Variants in TFAP2A observed in about 807,000 individuals in gnomAD.
TFAP2A encodes transcription factor AP-2 alpha.
In TFAP2A, 7 loss-of-function variants were observed where a neutral mutation model predicts 41.5. That is an observed-to-expected ratio of 0.17 (90% confidence interval 0.10 to 0.32). The LOEUF (loss-of-function observed/expected upper bound fraction) is 0.32. Among genes scored for constraint, TFAP2A ranks in the 10% least tolerant of loss-of-function variants. The probability of loss-of-function intolerance (pLI) is 1.00; values close to 1 mark genes in which losing one functional copy is unlikely to be tolerated. For synonymous variants in TFAP2A, 247 were observed against 242.8 expected (o/e 1.02, Z -0.16); for missense variants, 416 against 563.3 (o/e 0.74, Z 2.65).
chr6:10,408,188 A>G (rs1757800729), intron 2 of TFAP2A, among the ~76,000 whole-genome samples: 2 of 152,240 alleles, frequency 1.3e-5, no homozygotes, highest in South Asian at 4.1e-4. Flanking sequence ...TGTTGCAGCA[A>G]TGGGAAAAAA....
At chr6:10,400,721 A>C in intron 5 of TFAP2A, 132 bp from the exon 6 acceptor site, 78 of 1,055,198 alleles carry the variant, frequency 7.4e-5, no homozygotes, top group Non-Finnish European at 1.0e-4. Context: ...TTGTTTTCTC[A>C]TTTCAGGCAT....
chr6:10,412,839 C>T (rs2113218863), intron 1 of TFAP2A: 1 of 161,684 alleles, frequency 6.2e-6, no homozygotes, highest in East Asian at 1.9e-4. Flanking sequence ...TCCTCGGCCT[C>T]CTCTTGAGCT....
chr6:10,403,132 A>G (rs538429733), intron 4 of TFAP2A, among the ~76,000 whole-genome samples: 1 of 152,276 alleles, frequency 6.6e-6, no homozygotes, highest in East Asian at 1.9e-4. Flanking sequence ...CCTAACTGGA[A>G]ATGTCAAAAG....
intron 3 of TFAP2A, chr6:10,406,558 TATC>T: frequency 1.8e-6 from 1 of 566,730 alleles, no homozygotes; most frequent in Non-Finnish European, 3.2e-6. Flanking sequence ...TTTGTCCAAA[TATC>T]ATTAAACTAA....
chr6:10,400,113 C>T (rs1319252966), intron 6 of TFAP2A, among the ~76,000 whole-genome samples: 1 of 151,990 alleles, frequency 6.6e-6, no homozygotes, highest in African/African-American at 2.4e-5. Flanking sequence ...CCTGTTACCC[C>T]TTTGAGGATT....
At chr6:10,414,548 T>C (rs1758160831) in intron 1 of TFAP2A, 1 of 371,908 alleles carries the variant, frequency 2.7e-6, no homozygotes, top group Non-Finnish European at 5.1e-6. Context: ...GAAAAGAGTT[T>C]TCTCTTTCCT....
rs1180136723 is a variant in TFAP2A at position 10,398,793 on chromosome 6, T to C, written c.1032-88A>G. 1.2e-5 allele frequency: 18 copies of C among 1,474,224 alleles called. No individual in the cohort carries two copies. Among genetic ancestry groups the C allele is most frequent in the Non-Finnish European group, 1.7e-5 (18 of 1,081,922 alleles). The allele number at this position is 1,474,224 out of a possible 1,614,324, so 91.3% of individuals were successfully genotyped here. On this transcript the variant is annotated intron_variant, in intron 6 of 6. Transcript: ENST00000379613. The surrounding 1 kb of genome is among the most constrained non-coding windows in gnomAD (Gnocchi z 5.3). ...AAGAGAAAACCTCCCTCCCTGCAGC[T>C]ACCTCTGCCGGGATCCAGCCGGTAC...
chr6:10,415,227 A>G, upstream of TFAP2A: 1 of 1,464,184 alleles, frequency 6.8e-7, no homozygotes, highest in Non-Finnish European at 9.0e-7. Flanking sequence ...GAGAAGGGAA[A>G]GAGCTCCCGT....
intron 3 of TFAP2A, chr6:10,404,983 C>T (rs1757641128): frequency 5.1e-6 from 3 of 585,890 alleles, no homozygotes; most frequent in Non-Finnish European, 6.1e-6. Flanking sequence ...GCCTGCGTTT[C>T]TGCCTTGACC....
chr6:10,415,185 G>T (rs1758196630), upstream of TFAP2A: 1 of 1,495,070 alleles, frequency 6.7e-7, no homozygotes, highest in Non-Finnish European at 8.9e-7. Flanking sequence ...CGAGGAGGAG[G>T]AGGAGGGCGA....
At chr6:10,414,428 A>G (rs1477073580) in intron 1 of TFAP2A, 1 of 251,048 alleles carries the variant, frequency 4.0e-6, no homozygotes, top group Non-Finnish European at 7.9e-6. Context: ...AAAGCCGAGA[A>G]GGGAACCGCT....
chr6:10,400,754 C>T (rs776514220), intron 5 of TFAP2A, 165 bp from the exon 6 acceptor site: 91 of 822,692 alleles, frequency 1.1e-4, no homozygotes, highest in Non-Finnish European at 1.8e-4. Context: ...TCTGTAGGAT[C>T]TGGTGGATGC....
upstream of TFAP2A, chr6:10,419,343 C>T (rs752226381): frequency 3.5e-5 from 54 of 1,563,116 alleles, no homozygotes; most frequent in Non-Finnish European, 4.7e-5. Context: ...GCTTCCTCTC[C>T]TCCTCCCCGC....
intron 4 of TFAP2A, among the ~76,000 whole-genome samples, chr6:10,404,273 C>A (rs1325561102): frequency 6.6e-6 from 1 of 152,226 alleles, no homozygotes; most frequent in Non-Finnish European, 1.5e-5. Flanking sequence ...GAAGCGCGCA[C>A]CAGAACTCGC....
upstream of TFAP2A, among the ~76,000 whole-genome samples, chr6:10,417,369 G>A (rs1276450403): frequency 6.6e-6 from 1 of 152,236 alleles, no homozygotes; most frequent in African/African-American, 2.4e-5. Context: ...GGTGCAGATT[G>A]GGACCTGCCG....
Position 10,398,794 on chromosome 6 carries a change from A to C in TFAP2A, c.1032-89T>G, listed in dbSNP as rs1437422611. 1.4e-5 allele frequency: 20 copies of C among 1,471,806 alleles called. No individual in the cohort carries two copies. In the Admixed American group the frequency reaches 3.7e-4, roughly 27 times the overall value. 91.2% of individuals were successfully genotyped at this position (1,471,806 alleles called of 1,614,324 possible). On this transcript the variant is annotated intron_variant, in intron 6 of 6. Coordinates refer to ENST00000379613, the MANE Select transcript of TFAP2A (RefSeq NM_001372066.1). This position sits in a 1 kb window ranked among gnomAD's most constrained non-coding sequence, Gnocchi z 5.3. Reference sequence around the variant, plus strand: ...AGAGAAAACCTCCCTCCCTGCAGCTACCTCTGCCGGGATCCAGCCGGTACC... The same window carrying C: ...AGAGAAAACCTCCCTCCCTGCAGCTCCCTCTGCCGGGATCCAGCCGGTACC...
chr6:10,415,022 G>C lies in TFAP2A; in HGVS notation c.-31C>G, dbSNP rs768100385. ...GGCGTGAACGGATATGCCCCTCTCG[G>C]TCTCGCACCCAAGTGGAGCTACTCT... On this transcript the variant is annotated 5_prime_UTR_variant, in exon 1 of 7. Coordinates refer to ENST00000379613, the MANE Select transcript of TFAP2A (RefSeq NM_001372066.1). 12 of 1,614,078 alleles carry C rather than the reference G, an allele frequency of 7.4e-6. No individual in the cohort carries two copies. In the South Asian group the frequency reaches 1.2e-4, roughly 16 times the overall value.
Position 10,410,005 on chromosome 6 carries a change from C to T in TFAP2A, c.382G>A (p.Asp128Asn). 1 of 1,611,116 alleles carries T rather than the reference C, an allele frequency of 6.2e-7. No homozygotes were observed. The highest frequency in any genetic ancestry group is 8.5e-7 in the Non-Finnish European group (1 of 1,178,856). The change falls in exon 2 of 7, where the codon GAC becomes AAC. Residue 128 changes from aspartate to asparagine, a missense_variant. Transcript: ENST00000379613. ...AGGAGGTCCTCGTGCCGCCTGTAGT[C>T]CCTGCGAGGATCCAGGCCCGACAGC... The part of the protein sequence containing the change: ...HQLSGLDPRR[D>N]YRRHEDLLHG...
intron 5 of TFAP2A, chr6:10,400,937 T>A: frequency 2.2e-6 from 1 of 450,180 alleles, no homozygotes; most frequent in Non-Finnish European, 4.2e-6. Flanking sequence ...TCATAAATGA[T>A]ATTCATAATT....
Sources: gnomAD v4.1 joint callset for allele counts (sites outside exome capture counted in the v4.1 genomes callset) on GRCh38, gnomAD v4.1.1 for gene constraint, Gnocchi (gnomAD v3.1) non-coding constraint, MANE v1.5 for transcripts, NCBI Gene and HGNC (gene_info 2026-07-23, HGNC 2026-07-21) for gene names.